RABGAP1L: variants seen among roughly 807,000 people sequenced by gnomAD.
RABGAP1L encodes rab GTPase-activating protein 1-like.
RABGAP1L carries 63 observed loss-of-function variants against 137.7 expected under a neutral mutation model. The ratio of observed to expected loss-of-function variants is 0.46; its 90% CI spans 0.37 to 0.56. The LOEUF is 0.56. Ranked by LOEUF, RABGAP1L falls within the 20% of genes least tolerant of loss-of-function variation. RABGAP1L has a pLI of 0.00. For missense variants in RABGAP1L, 1,095 were observed against 1,244.0 expected (o/e 0.88, Z 1.80); for synonymous variants, 431 against 433.7 (o/e 0.99, Z 0.08).
intron 13 of RABGAP1L, among the ~76,000 whole-genome samples, chr1:174,438,366 A>T (rs1653678894): frequency 6.6e-6 from 1 of 152,182 alleles, no homozygotes. Flanking sequence ...AATAGCAATG[A>T]ATCTGAAGAT....
intron 17 of RABGAP1L, among the ~76,000 whole-genome samples, chr1:174,708,295 A>T (rs1304613932): frequency 6.6e-6 from 1 of 152,048 alleles, no homozygotes; most frequent in African/African-American, 2.4e-5. Flanking sequence ...CCCACAAAAA[A>T]CTCATCAGAA....
chr1:174,745,831 A>G (rs1683823635), intron 17 of RABGAP1L, among the ~76,000 whole-genome samples: 1 of 152,116 alleles, frequency 6.6e-6, no homozygotes, highest in African/African-American at 2.4e-5. Flanking sequence ...TTTCTTTTGT[A>G]TGGGTCAGAA....
At chr1:174,577,183 G>A (rs1668429069) in intron 13 of RABGAP1L, among the ~76,000 whole-genome samples, 2 of 150,400 alleles carry the variant, frequency 1.3e-5, no homozygotes, top group Admixed American at 1.3e-4. Context: ...GTGACAGAGT[G>A]AGACCCTGTC....
chr1:174,756,493 T>G (rs1241471922), intron 18 of RABGAP1L, among the ~76,000 whole-genome samples: 1 of 151,886 alleles, frequency 6.6e-6, no homozygotes, highest in Non-Finnish European at 1.5e-5. Context: ...GCCACTGACT[T>G]TATTGATCTA....
At chr1:174,966,382 T>C (rs1019882492) in intron 20 of RABGAP1L, among the ~76,000 whole-genome samples, 1 of 152,206 alleles carries the variant, frequency 6.6e-6, no homozygotes, top group East Asian at 1.9e-4. Context: ...CAGCCTGCAT[T>C]GTGAAATATG....
chr1:174,962,822 G>T (rs989111312), intron 20 of RABGAP1L, among the ~76,000 whole-genome samples: 2 of 152,176 alleles, frequency 1.3e-5, no homozygotes, highest in South Asian at 2.1e-4. Context: ...TTCTGGCTGG[G>T]TGTGGTGGCT....
intron 18 of RABGAP1L, among the ~76,000 whole-genome samples, chr1:174,805,639 C>T (rs1689218021): frequency 6.6e-6 from 1 of 152,022 alleles, no homozygotes; most frequent in Non-Finnish European, 1.5e-5. Flanking sequence ...GTAGCTGAGA[C>T]TACAGGTGCG....
intron 13 of RABGAP1L, among the ~76,000 whole-genome samples, chr1:174,613,909 G>T (rs1183276730): frequency 3.9e-5 from 6 of 151,954 alleles, no homozygotes; most frequent in Non-Finnish European, 5.9e-5. Flanking sequence ...CCATTTGCTT[G>T]GTAGATCTTC....
chr1:174,286,666 C>T (rs966700860), intron 10 of RABGAP1L, among the ~76,000 whole-genome samples: 5 of 151,504 alleles, frequency 3.3e-5, no homozygotes, highest in African/African-American at 1.2e-4. Flanking sequence ...TCTTTTTTTT[C>T]CCCATAATTT....
chr1:174,640,252 T>C (rs1674421530), intron 14 of RABGAP1L, among the ~76,000 whole-genome samples: 1 of 152,092 alleles, frequency 6.6e-6, no homozygotes, highest in South Asian at 2.1e-4. Flanking sequence ...TAGTATCTCA[T>C]GCCAGGAAAC....
chr1:174,495,706 C>T (rs1660673787), intron 13 of RABGAP1L, among the ~76,000 whole-genome samples: 1 of 152,144 alleles, frequency 6.6e-6, no homozygotes, highest in African/African-American at 2.4e-5. Context: ...ACATATTAAA[C>T]TACCTCATTC....
intron 13 of RABGAP1L, among the ~76,000 whole-genome samples, chr1:174,509,254 T>C (rs1376294351): frequency 1.3e-5 from 2 of 152,192 alleles, no homozygotes; most frequent in African/African-American, 4.8e-5. Context: ...TGAGATAAAT[T>C]GTAATACCTA....
At chr1:174,417,249 A>G (rs181617878) in intron 13 of RABGAP1L, among the ~76,000 whole-genome samples, 1 of 152,244 alleles carries the variant, frequency 6.6e-6, no homozygotes, top group African/African-American at 2.4e-5. Flanking sequence ...GCATATTTTT[A>G]TGAAGCCAAT....
At chr1:174,181,753 GTA>G (rs1176957531) in intron 1 of RABGAP1L, among the ~76,000 whole-genome samples, 1 of 152,188 alleles carries the variant, frequency 6.6e-6, no homozygotes, top group African/African-American at 2.4e-5. Flanking sequence ...TGAAGAGAGA[GTA>G]TGTGTGTAAG....
chr1:174,272,683 G>A (rs1203233124), intron 8 of RABGAP1L, among the ~76,000 whole-genome samples: 1 of 151,954 alleles, frequency 6.6e-6, no homozygotes, highest in Non-Finnish European at 1.5e-5. Context: ...ACAGTCATAT[G>A]CAACAAATAA....
At chr1:174,537,371 G>T (rs1490345072) in intron 13 of RABGAP1L, among the ~76,000 whole-genome samples, 1 of 151,952 alleles carries the variant, frequency 6.6e-6, no homozygotes, top group Admixed American at 6.6e-5. Flanking sequence ...TTTCTCTCAG[G>T]GTACAAAAGT....
At chr1:174,467,542 T>G (rs537721264) in intron 13 of RABGAP1L, among the ~76,000 whole-genome samples, 19 of 152,232 alleles carry the variant, frequency 1.2e-4, no homozygotes, top group South Asian at 2.1e-4. Flanking sequence ...ACGTTTCTAC[T>G]AAATAAATGT....
At position 174,620,929 on chromosome 1, in the gene RABGAP1L, G is replaced by A. The variant is rs561403296; in HGVS notation, c.1711-16446G>A. On this transcript the variant is annotated intron_variant, in intron 13 of 25. Transcript: ENST00000681986. ...GAAAAGAGAGAAGAATCAAATAGAC[G>A]CAATAAAAAATGATAAAGGGGATAT... Among the ~76,000 whole-genome samples, 1,346 of 151,812 alleles carry A rather than the reference G, an allele frequency of 8.9e-3. 13 individuals are homozygous for A. Among genetic ancestry groups the A allele is most frequent in the African/African-American group, 0.02 (819 of 41,406 alleles).
intron 13 of RABGAP1L, among the ~76,000 whole-genome samples, chr1:174,610,680 A>C (rs1187318989): frequency 6.6e-6 from 1 of 152,158 alleles, no homozygotes; most frequent in Admixed American, 6.5e-5. Context: ...AACAGTGTAA[A>C]AGTATTCCTA....
Sources: allele counts gnomAD v4.1 joint callset (sites outside exome capture counted in the v4.1 genomes callset), GRCh38; gene constraint gnomAD v4.1.1; transcripts MANE v1.5; gene names NCBI Gene and HGNC (gene_info 2026-07-23, HGNC 2026-07-21).